The following CAPN13 variants were observed in gnomAD, a reference collection of about 807,000 sequenced individuals.
CAPN13 encodes the protein calpain 13.
Under a neutral mutation model 98.4 loss-of-function variants are expected in CAPN13, and 90 were observed. The ratio of observed to expected loss-of-function variants is 0.92; its 90% confidence interval spans 0.77 to 1.09. The LOEUF (loss-of-function observed/expected upper bound fraction) is 1.09, where lower values mean the gene tolerates loss of function less well. Ranked by LOEUF, CAPN13 falls within the 50% of genes least tolerant of loss-of-function variation. The pLI is 0.00. For missense variants in CAPN13, 887 were observed against 841.3 expected (o/e 1.05, Z -0.67); for synonymous variants, 330 against 305.5 (o/e 1.08, Z -0.84).
At chr2:30,770,016 C>T (rs1334351054) in intron 5 of CAPN13, among the ~76,000 whole-genome samples, 2 of 152,218 alleles carry the variant, frequency 1.3e-5, no homozygotes, top group Non-Finnish European at 2.9e-5. Context: ...TCCGCGCTCT[C>T]ATCGGACTTT....
chr2:30,786,988 A>G, intron 2 of CAPN13, 140 bp downstream of exon 2: 1 of 673,666 alleles, frequency 1.5e-6, no homozygotes, highest in East Asian at 2.7e-5. Flanking sequence ...CTGAGTAGCT[A>G]CAACACTGTA....
At chr2:30,785,560 G>C (rs1674231295) in intron 2 of CAPN13, among the ~76,000 whole-genome samples, 1 of 152,084 alleles carries the variant, frequency 6.6e-6, no homozygotes, top group African/African-American at 2.4e-5. Context: ...TGGGTTCCTG[G>C]CATTATTCTT....
intron 1 of CAPN13, among the ~76,000 whole-genome samples, chr2:30,799,545 G>A (rs1193488797): frequency 2.6e-5 from 4 of 152,186 alleles, no homozygotes; most frequent in East Asian, 3.9e-4. Context: ...TTTAGGCAGC[G>A]CTTGGGCTTG....
intron 7 of CAPN13, among the ~76,000 whole-genome samples, chr2:30,762,435 T>G (rs1672895831): frequency 6.6e-6 from 1 of 152,178 alleles, no homozygotes. Context: ...CTTGGTGTGG[T>G]CATATAATTA....
intron 17 of CAPN13, chr2:30,737,986 CACACA>C (rs2147959073): frequency 1.9e-6 from 1 of 538,018 alleles, no homozygotes; most frequent in African/African-American, 1.9e-5. Flanking sequence ...CACACACACA[CACACA>C]CACACACACA....
intron 4 of CAPN13, among the ~76,000 whole-genome samples, chr2:30,772,058 G>A (rs1032885310): frequency 6.6e-6 from 1 of 152,022 alleles, no homozygotes; most frequent in Non-Finnish European, 1.5e-5. Flanking sequence ...ATAACTCTTC[G>A]CCCTATCTTC....
intron 2 of CAPN13, among the ~76,000 whole-genome samples, chr2:30,783,599 T>C (rs1299423723): frequency 9.2e-5 from 14 of 152,178 alleles, no homozygotes; most frequent in Non-Finnish European, 2.1e-4. Flanking sequence ...GCACCAGGCA[T>C]AGAAAGCTAA....
intron 2 of CAPN13, among the ~76,000 whole-genome samples, chr2:30,779,456 C>G (rs1005482531): frequency 3.3e-5 from 5 of 152,194 alleles, no homozygotes; most frequent in African/African-American, 9.7e-5. Flanking sequence ...GGGCGGGTAC[C>G]TTGGGTTCTC....
chr2:30,791,228 T>C (rs1674592308), intron 1 of CAPN13, among the ~76,000 whole-genome samples: 1 of 152,154 alleles, frequency 6.6e-6, no homozygotes, highest in East Asian at 1.9e-4. Context: ...GCAGCAACAG[T>C]GATAAGTATG....
chr2:30,768,280 G>A (rs1286964312), intron 5 of CAPN13, among the ~76,000 whole-genome samples: 7 of 152,224 alleles, frequency 4.6e-5, no homozygotes, highest in African/African-American at 1.7e-4. Flanking sequence ...TACTGGGCAG[G>A]GAATCGGGTG....
Position 30,738,231 on chromosome 2 carries a change from A to G in CAPN13, c.1653+4T>C. 6.2e-7 allele frequency: 1 copy of G among 1,613,938 alleles called. No individual in the cohort carries two copies. The highest frequency in any genetic ancestry group is 8.5e-7 in the Non-Finnish European group (1 of 1,179,874). On this transcript the variant is annotated splice_donor_region_variant and intron_variant, in intron 17 of 22. Coordinates refer to ENST00000295055, the MANE Select transcript of CAPN13 (RefSeq NM_144575.3). ...AGCATGGGAGGGATGACCGCAAAGG[A>G]TACTTCCATCAGAGCCACCAAGCTG...
chr2:30,749,896 T>C (rs1672089445), intron 11 of CAPN13, among the ~76,000 whole-genome samples: 1 of 152,228 alleles, frequency 6.6e-6, no homozygotes, highest in Non-Finnish European at 1.5e-5. Flanking sequence ...TTTTCTTTTG[T>C]AGCTTTTTTC....
intron 7 of CAPN13, among the ~76,000 whole-genome samples, chr2:30,761,727 C>A (rs1030100949): frequency 2.0e-5 from 3 of 152,162 alleles, no homozygotes; most frequent in African/African-American, 7.2e-5. Flanking sequence ...CAATTTTGGA[C>A]AATTACCTAT....
intron 2 of CAPN13, among the ~76,000 whole-genome samples, chr2:30,781,769 A>G (rs1196620277): frequency 1.3e-5 from 2 of 152,158 alleles, no homozygotes; most frequent in Non-Finnish European, 2.9e-5. Context: ...ATGTGAGCCA[A>G]TCCCTCCTAG....
chr2:30,796,219 T>C lies in CAPN13; in HGVS notation c.-32-8862A>G, dbSNP rs1168533370. 2.8e-5 allele frequency among the ~76,000 whole-genome samples: 3 copies of C among 108,934 alleles called. No homozygotes were observed. The East Asian group carries it at 7.9e-4, about 29-fold the overall frequency. The allele number at this position is 108,934 out of a possible 152,430, so 71.5% of individuals were successfully genotyped here. On this transcript the variant is annotated intron_variant, in intron 1 of 22. Coordinates refer to ENST00000295055, the MANE Select transcript of CAPN13 (RefSeq NM_144575.3). The stretch of plus-strand genomic sequence containing the variant: ...GTGTGTGTATATATATATACACATA[T>C]ATATGTATATATATATGTGTGCATA...
At chr2:30,738,648 C>T (rs536410301) in intron 15 of CAPN13, among the ~76,000 whole-genome samples, 191 bp from the exon 16 acceptor site, 6 of 152,318 alleles carry the variant, frequency 3.9e-5, no homozygotes, top group South Asian at 2.1e-4. Context: ...GCACATCTGT[C>T]GTGTTGGTCA....
chr2:30,730,812 A>G (rs750639017), intron 21 of CAPN13, 26 bp from the exon 22 acceptor site: 18 of 780,754 alleles, frequency 2.3e-5, no homozygotes, highest in Non-Finnish European at 2.4e-6. Flanking sequence ...CATCATTACA[A>G]CAATTCTTTA....
chr2:30,780,154 C>T (rs1009721309), intron 2 of CAPN13, among the ~76,000 whole-genome samples: 2 of 152,206 alleles, frequency 1.3e-5, no homozygotes, highest in African/African-American at 4.8e-5. Context: ...GTATCACCCG[C>T]ATGCGCTGTA....
chr2:30,751,746 A>G (rs180700056), intron 10 of CAPN13, among the ~76,000 whole-genome samples: 19 of 152,344 alleles, frequency 1.2e-4, no homozygotes. Context: ...TGGAAGAATG[A>G]AGATAAGTCA....
Sources: allele counts gnomAD v4.1 joint callset (sites outside exome capture counted in the v4.1 genomes callset), GRCh38; gene constraint gnomAD v4.1.1; transcripts MANE v1.5; gene names NCBI Gene and HGNC (gene_info 2026-07-23, HGNC 2026-07-21).